Variants in NR6A1 observed in about 807,000 individuals in gnomAD.
The protein encoded by NR6A1 is retinoic acid receptor-related testis-associated receptor.
Under a neutral mutation model 59.1 loss-of-function variants are expected in NR6A1, and 7 were observed. The ratio of observed to expected loss-of-function variants is 0.12; its 90% CI spans 0.07 to 0.22. The LOEUF (loss-of-function observed/expected upper bound fraction) is 0.22. NR6A1 is among the 10% of genes least tolerant of loss of function. The pLI is 1.00. For synonymous variants in NR6A1, 243 were observed against 236.1 expected, an observed-to-expected ratio of 1.03 and a Z score of -0.27; for missense variants, 468 against 611.6, an observed-to-expected ratio of 0.77 and a Z score of 2.48.
At chr9:124,642,634 G>A (rs751007025) in intron 2 of NR6A1, among the ~76,000 whole-genome samples, 1 of 152,186 alleles carries the variant, frequency 6.6e-6, no homozygotes, top group Non-Finnish European at 1.5e-5. Flanking sequence ...AACCCCAGTT[G>A]AGAGCCATGT....
In NR6A1 at chr9:124,648,558, T is replaced by C. The variant is rs77170707; in HGVS notation, c.142+84750A>G. Among the ~76,000 whole-genome samples the C allele has an allele frequency of 3.0e-3, 461 of 152,246 alleles. 2 individuals are homozygous for C. Among genetic ancestry groups the C allele is most frequent in the African/African-American group, 0.011 (442 of 41,548 alleles). ...GGAACATGAATGCCGACTTTCATCC[T>C]TTTATTCAAATAGTACTGAATGTAT... is the stretch of plus-strand genomic sequence containing the variant. On this transcript the variant is annotated intron_variant, in intron 2 of 9. Coordinates refer to ENST00000487099, the MANE Select transcript of NR6A1 (RefSeq NM_033334.4).
At chr9:124,646,649 ACTAAC>A (rs1836938779) in intron 2 of NR6A1, among the ~76,000 whole-genome samples, 1 of 152,218 alleles carries the variant, frequency 6.6e-6, no homozygotes, top group African/African-American at 2.4e-5. Context: ...TAACACTAAC[ACTAAC>A]AATAGCTAAT....
intron 2 of NR6A1, among the ~76,000 whole-genome samples, chr9:124,663,905 C>A (rs1040221864): frequency 6.6e-6 from 1 of 151,892 alleles, no homozygotes; most frequent in Non-Finnish European, 1.5e-5. Context: ...AAGTTAGTAC[C>A]ATTAAGTATA....
chr9:124,557,442 T>C (rs866117382), intron 2 of NR6A1, among the ~76,000 whole-genome samples: 7 of 152,174 alleles, frequency 4.6e-5, no homozygotes, highest in African/African-American at 9.7e-5. Context: ...CAATCCTCCT[T>C]CTTTTCTTTC....
In NR6A1 at chr9:124,668,379, G is replaced by A. The variant is rs1837692053; in HGVS notation, c.142+64929C>T. 2.0e-5 allele frequency among the ~76,000 whole-genome samples: 3 copies of A among 152,234 alleles called. 1 individual carries two copies. The South Asian group carries it at 6.2e-4, about 32-fold the overall frequency. On this transcript the variant is annotated intron_variant, in intron 2 of 9. Coordinates refer to ENST00000487099, the MANE Select transcript of NR6A1 (RefSeq NM_033334.4). ...GGCAGAAGAGGCAGCCATACTTAGTGTAACTTTTATTGAAAAATATCCACA... is the reference window on the plus strand; with the variant it reads ...GGCAGAAGAGGCAGCCATACTTAGTATAACTTTTATTGAAAAATATCCACA...
intron 2 of NR6A1, among the ~76,000 whole-genome samples, chr9:124,715,553 T>C (rs1461123706): frequency 6.6e-6 from 1 of 151,960 alleles, no homozygotes; most frequent in Admixed American, 6.6e-5. Flanking sequence ...CAAAATAAAA[T>C]TTTAAAAAAT....
intron 2 of NR6A1, among the ~76,000 whole-genome samples, chr9:124,637,944 G>A (rs878897162): frequency 1.3e-5 from 2 of 151,172 alleles, no homozygotes; most frequent in Admixed American, 1.3e-4. Context: ...TAATTGGGTG[G>A]TATAAAAATG....
At chr9:124,642,048 CTTTT>C (rs71372981) in intron 2 of NR6A1, among the ~76,000 whole-genome samples, 4 of 149,670 alleles carry the variant, frequency 2.7e-5, no homozygotes, top group Non-Finnish European at 4.5e-5. Flanking sequence ...TTGTGTGCTT[CTTTT>C]TTTTTTCTTT....
rs1028933081 is a variant in NR6A1, at chr9:124,519,474, C to G, written c.*3231G>C. The G allele has an allele frequency of 6.6e-6, 1 of 152,180 alleles. No homozygotes were observed. Among genetic ancestry groups the G allele is most frequent in the Admixed American group, 6.5e-5 (1 of 15,288 alleles). The allele number at this position is 152,180 out of a possible 1,614,324, so 9.4% of individuals were successfully genotyped here. On this transcript the variant is annotated 3_prime_UTR_variant, in exon 10 of 10. Transcript: ENST00000487099. Reference sequence around the variant, plus strand: ...GAGAGCATGAATAAGTTCCAAGATGCCAAACTTTTGTCTTGGGACAAGAAA... The same window carrying G: ...GAGAGCATGAATAAGTTCCAAGATGGCAAACTTTTGTCTTGGGACAAGAAA...
intron 1 of NR6A1, among the ~76,000 whole-genome samples, chr9:124,744,511 C>A (rs779735048): frequency 6.6e-6 from 1 of 152,154 alleles, no homozygotes; most frequent in Non-Finnish European, 1.5e-5. Flanking sequence ...ACTAATAAAA[C>A]CCTACCTTTG....
At chr9:124,664,371 C>T (rs1837540278) in intron 2 of NR6A1, among the ~76,000 whole-genome samples, 1 of 152,214 alleles carries the variant, frequency 6.6e-6, no homozygotes, top group South Asian at 2.1e-4. Context: ...CATATCTTAG[C>T]TCTGCCACTG....
chr9:124,556,322 C>G (rs140483383), intron 2 of NR6A1, among the ~76,000 whole-genome samples: 2 of 152,228 alleles, frequency 1.3e-5, no homozygotes, highest in East Asian at 3.9e-4. Flanking sequence ...GATACGAAGA[C>G]AGAGGCAGAA....
intron 2 of NR6A1, among the ~76,000 whole-genome samples, chr9:124,687,287 ATTAATTAT>A (rs1564237545): frequency 3.3e-5 from 2 of 60,612 alleles, no homozygotes. Context: ...CAGCCAGCTA[ATTAATTAT>A]TTATTTATTT....
chr9:124,693,907 C>A, intron 2 of NR6A1: 1 of 397,116 alleles, frequency 2.5e-6, no homozygotes, highest in South Asian at 1.8e-5. Flanking sequence ...TTTTCTTGTT[C>A]TCCTTGGTTC....
intron 2 of NR6A1, among the ~76,000 whole-genome samples, chr9:124,710,274 TA>T (rs1400402361): frequency 6.6e-6 from 1 of 152,044 alleles, no homozygotes; most frequent in Non-Finnish European, 1.5e-5. Context: ...AACAATTCCT[TA>T]AAAAAATCAT....
intron 2 of NR6A1, among the ~76,000 whole-genome samples, chr9:124,574,711 C>G (rs1278318897): frequency 2.8e-4 from 42 of 152,156 alleles, no homozygotes; most frequent in Non-Finnish European, 2.9e-5. Flanking sequence ...TGCCTTTCCT[C>G]TGGACATATT....
intron 2 of NR6A1, among the ~76,000 whole-genome samples, chr9:124,633,359 C>T (rs1240905042): frequency 2.8e-5 from 4 of 143,980 alleles, no homozygotes; most frequent in African/African-American, 5.2e-5. Flanking sequence ...GTCGAGATCG[C>T]GCCACTGCAC....
chr9:124,735,760 T>C (rs1840003918), intron 1 of NR6A1, among the ~76,000 whole-genome samples: 1 of 152,200 alleles, frequency 6.6e-6, no homozygotes, highest in Non-Finnish European at 1.5e-5. Flanking sequence ...GTCTCACAGT[T>C]CTGGAGCCGT....
At chr9:124,619,382 G>A (rs1367053367) in intron 2 of NR6A1, among the ~76,000 whole-genome samples, 1 of 152,074 alleles carries the variant, frequency 6.6e-6, no homozygotes, top group African/African-American at 2.4e-5. Flanking sequence ...TCCTGCCTTG[G>A]CCTACCAAGT....
Sources: allele counts gnomAD v4.1 joint callset (sites outside exome capture counted in the v4.1 genomes callset), GRCh38; gene constraint gnomAD v4.1.1; transcripts MANE v1.5; gene names NCBI Gene and HGNC (gene_info 2026-07-23, HGNC 2026-07-21).